Variants in KAZN observed in about 807,000 individuals in gnomAD.
The protein encoded by KAZN is kazrin, periplakin interacting protein, also known as kazrin.
KAZN carries 40 observed loss-of-function variants against 87.4 expected under a neutral mutation model. The observed-to-expected ratio is 0.46, with a 90% confidence interval of 0.36 to 0.60. The LOEUF (loss-of-function observed/expected upper bound fraction) is 0.60. Ranked by LOEUF, KAZN falls within the 20% of genes least tolerant of loss-of-function variation. The pLI, the probability that KAZN is intolerant of heterozygous loss-of-function variation, is 0.00. For missense variants in KAZN, 898 were observed against 1,073.9 expected (o/e 0.84, Z 2.29); for synonymous variants, 466 against 458.3 (o/e 1.02, Z -0.22).
chr1:14,444,408 G>T (rs181565542), intron 2 of KAZN, among the ~76,000 whole-genome samples: 1 of 148,088 alleles, frequency 6.8e-6, no homozygotes, highest in East Asian at 2.0e-4. Context: ...CACCTCCCAG[G>T]TCCAACTGAT....
intron 1 of KAZN, among the ~76,000 whole-genome samples, chr1:14,724,352 A>T (rs930542891): frequency 2.0e-5 from 3 of 152,202 alleles, no homozygotes; most frequent in African/African-American, 7.2e-5. Flanking sequence ...TCGATGCCTC[A>T]CTCCAGGGCA....
At chr1:14,814,313 G>A (rs1014344715) in intron 1 of KAZN, among the ~76,000 whole-genome samples, 6 of 152,148 alleles carry the variant, frequency 3.9e-5, no homozygotes, top group African/African-American at 1.2e-4. Flanking sequence ...TGAAACCTCT[G>A]CCCCCCGGGT....
Position 14,164,791 on chromosome 1 carries a change from G to A in KAZN, c.92-15644G>A, listed in dbSNP as rs1037673443. On this transcript the variant is annotated intron_variant, in intron 1 of 16. Transcript: ENST00000636203. Reference sequence around the variant, plus strand: ...TAACCTCAGGTGATCCGCCTGCCTCGGCCTCCCAAAGTGCTGGGATTACAG... The same window carrying A: ...TAACCTCAGGTGATCCGCCTGCCTCAGCCTCCCAAAGTGCTGGGATTACAG... Among the ~76,000 whole-genome samples the A allele has an allele frequency of 3.9e-5, 6 of 151,938 alleles. No homozygotes were observed. The East Asian group carries it at 7.8e-4, about 20-fold the overall frequency.
Position 14,599,042 on chromosome 1 carries a change from G to A in KAZN, c.45G>A (p.Ala15=). 3 of 1,568,316 alleles carry A rather than the reference G, an allele frequency of 1.9e-6. No homozygotes were observed. The highest frequency in any genetic ancestry group is 8.6e-7 in the Non-Finnish European group (1 of 1,161,454). ...NKQLALRIDG[A]VQSASQEVTN... ...AGCTCGCGCTCCGCATCGATGGGGC[G>A]GTCCAGTCGGCCAGCCAGGAGGTGA... Residue 15 remains alanine (A), a synonymous_variant, in exon 1 of 15, where the codon GCG becomes GCA. Transcript: ENST00000376030. This position sits in a 1 kb window ranked among gnomAD's most constrained non-coding sequence, Gnocchi z 4.4.
chr1:14,299,081 T>G (rs954718061), intron 2 of KAZN, among the ~76,000 whole-genome samples: 1 of 152,186 alleles, frequency 6.6e-6, no homozygotes, highest in African/African-American at 2.4e-5. Flanking sequence ...AGCTGTTTAT[T>G]GAGCTACTAC....
intron 2 of KAZN, among the ~76,000 whole-genome samples, chr1:14,204,621 A>G (rs1031857669): frequency 1.3e-5 from 2 of 152,254 alleles, no homozygotes; most frequent in South Asian, 2.1e-4. Flanking sequence ...ATATTTAGTC[A>G]TATGGCCTTA....
At chr1:13,933,509 T>A (rs2100942931) in intron 1 of KAZN, among the ~76,000 whole-genome samples, 1 of 152,212 alleles carries the variant, frequency 6.6e-6, no homozygotes, top group Non-Finnish European at 1.5e-5. Context: ...AAAATATTAA[T>A]CAAGTCTGGT....
intron 2 of KAZN, among the ~76,000 whole-genome samples, chr1:14,319,757 G>A (rs1655922805): frequency 6.6e-6 from 1 of 152,124 alleles, no homozygotes; most frequent in Non-Finnish European, 1.5e-5. Context: ...GTTGCCCAAT[G>A]TCTGAAAACT....
intron 1 of KAZN, among the ~76,000 whole-genome samples, chr1:14,013,786 G>A (rs1427660826): frequency 3.9e-5 from 6 of 152,136 alleles, no homozygotes; most frequent in African/African-American, 7.2e-5. Context: ...CTAGATGTGG[G>A]TTTCTCATTC....
intron 1 of KAZN, among the ~76,000 whole-genome samples, chr1:14,804,243 A>T (rs540493931): frequency 6.6e-6 from 1 of 152,352 alleles, no homozygotes; most frequent in South Asian, 2.1e-4. Flanking sequence ...AAACGTAAGC[A>T]AAGTGGGAAA....
At chr1:14,253,606 C>A (rs758249405) in intron 2 of KAZN, among the ~76,000 whole-genome samples, 2 of 152,092 alleles carry the variant, frequency 1.3e-5, no homozygotes, top group Non-Finnish European at 2.9e-5. Flanking sequence ...CAAGGAGAGG[C>A]CTTGGTGGCA....
chr1:14,001,903 A>G (rs888881780), intron 1 of KAZN, among the ~76,000 whole-genome samples: 1 of 152,270 alleles, frequency 6.6e-6, no homozygotes, highest in African/African-American at 2.4e-5. Context: ...AATCCCTAAA[A>G]GAAAACCTAG....
At chr1:15,106,179 G>A (rs1324622482) in intron 13 of KAZN, among the ~76,000 whole-genome samples, 1 of 152,160 alleles carries the variant, frequency 6.6e-6, no homozygotes, top group African/African-American at 2.4e-5. Context: ...CTACTCAGGA[G>A]GCTGAGGCTG....
At chr1:14,515,453 G>A (rs549103678) in intron 2 of KAZN, among the ~76,000 whole-genome samples, 9 of 152,308 alleles carry the variant, frequency 5.9e-5, no homozygotes, top group East Asian at 1.9e-4. Context: ...CAGTCCCACC[G>A]TATGTGGGAA....
At chr1:14,761,064 T>A (rs570318731) in intron 1 of KAZN, among the ~76,000 whole-genome samples, 1 of 152,318 alleles carries the variant, frequency 6.6e-6, no homozygotes, top group Admixed American at 6.5e-5. Context: ...AACAACTGAA[T>A]GGGGAGGACC....
intron 1 of KAZN, among the ~76,000 whole-genome samples, chr1:14,029,739 C>T (rs1641238524): frequency 6.6e-6 from 1 of 151,314 alleles, no homozygotes; most frequent in African/African-American, 2.4e-5. Context: ...GAAATCCTTT[C>T]CCCATTGCTT....
At chr1:13,960,620 G>A (rs773294671) in intron 1 of KAZN, among the ~76,000 whole-genome samples, 74 of 152,136 alleles carry the variant, frequency 4.9e-4, no homozygotes, top group Non-Finnish European at 8.8e-4. Context: ...CATTGACGCC[G>A]GGAGACCAAA....
At position 15,116,222 on chromosome 1, in the gene KAZN, G is replaced by A. The variant is rs900565741; in HGVS notation, c.*1587G>A. The A allele has an allele frequency of 1.3e-5, 2 of 152,234 alleles. No homozygotes were observed. The highest frequency in any genetic ancestry group is 2.9e-5 in the Non-Finnish European group (2 of 68,042). The allele number at this position is 152,234 out of a possible 1,614,324, so 9.4% of individuals were successfully genotyped here. On this transcript the variant is annotated 3_prime_UTR_variant, in exon 15 of 15. Transcript: ENST00000376030. ...CAAGGCCGTTTGCACTGGGGCTTGAGTTTCCAAGATTCACAACAGGTGTCA... is the reference window on the plus strand; with the variant it reads ...CAAGGCCGTTTGCACTGGGGCTTGAATTTCCAAGATTCACAACAGGTGTCA...
At chr1:14,920,280 T>TG (rs1245037674) in intron 1 of KAZN, among the ~76,000 whole-genome samples, 2 of 144,924 alleles carry the variant, frequency 1.4e-5, no homozygotes, top group African/African-American at 5.1e-5. Context: ...TTTTCTGTTT[T>TG]TTTTTTTTTT....
Sources: gnomAD v4.1 joint callset for allele counts (sites outside exome capture counted in the v4.1 genomes callset) on GRCh38, gnomAD v4.1.1 for gene constraint, Gnocchi (gnomAD v3.1) non-coding constraint, MANE v1.5 for transcripts, NCBI Gene and HGNC (gene_info 2026-07-23, HGNC 2026-07-21) for gene names.